The following VPS13B variants were observed in gnomAD, a reference collection of about 807,000 sequenced individuals.
VPS13B encodes vacuolar protein sorting 13 homolog B.
Under a neutral mutation model 426.4 loss-of-function variants are expected in VPS13B, and 285 were observed. The ratio of observed to expected loss-of-function variants is 0.67; its 90% confidence interval spans 0.61 to 0.74. The LOEUF (loss-of-function observed/expected upper bound fraction) is 0.74. Ranked by LOEUF, VPS13B falls within the 30% of genes least tolerant of loss-of-function variation. The probability of loss-of-function intolerance (pLI) is 0.00; values close to 1 mark genes in which losing one functional copy is unlikely to be tolerated. For missense variants in VPS13B, 4,537 were observed against 4,782.6 expected (o/e 0.95, Z 1.51); for synonymous variants, 1,676 against 1,676.4 (o/e 1.00, Z 0.01).
chr8:99,534,936 T>A (rs948920478), intron 30 of VPS13B, among the ~76,000 whole-genome samples: 1 of 152,148 alleles, frequency 6.6e-6, no homozygotes, highest in African/African-American at 2.4e-5. Flanking sequence ...TTTCAAAAAA[T>A]CTTTGACCAA....
intron 17 of VPS13B, among the ~76,000 whole-genome samples, chr8:99,201,407 G>A (rs1467365469): frequency 1.3e-5 from 2 of 152,098 alleles, no homozygotes; most frequent in African/African-American, 4.8e-5. Flanking sequence ...CATTCTAAAT[G>A]TTGGACTAAT....
At chr8:99,656,328 T>C (rs940480761) in intron 34 of VPS13B, among the ~76,000 whole-genome samples, 1 of 152,198 alleles carries the variant, frequency 6.6e-6, no homozygotes, top group African/African-American at 2.4e-5. Flanking sequence ...CCTGTTTCTT[T>C]GGCATAGGGA....
intron 54 of VPS13B, among the ~76,000 whole-genome samples, chr8:99,847,812 T>C (rs769188555): frequency 1.3e-5 from 2 of 152,248 alleles, no homozygotes; most frequent in Non-Finnish European, 2.9e-5. Flanking sequence ...GTGTACACTC[T>C]GGTGCTTCTT....
intron 23 of VPS13B, among the ~76,000 whole-genome samples, chr8:99,450,995 A>G (rs1246397841): frequency 3.9e-5 from 6 of 152,216 alleles, no homozygotes; most frequent in African/African-American, 7.2e-5. Context: ...AGCAGAAAAT[A>G]TGGTACAAAA....
chr8:99,772,076 C>A (rs1481071212), intron 40 of VPS13B, among the ~76,000 whole-genome samples: 1 of 152,210 alleles, frequency 6.6e-6, no homozygotes, highest in Non-Finnish European at 1.5e-5. Flanking sequence ...CTTTGCCATG[C>A]AGTCCTTCTT....
intron 27 of VPS13B, 135 bp from the exon 28 acceptor site, chr8:99,507,000 TGA>T (rs1821535085): frequency 1.2e-6 from 1 of 852,764 alleles, no homozygotes; most frequent in Non-Finnish European, 1.9e-6. Flanking sequence ...ATTGTTCTAT[TGA>T]TTGCATTGTC....
intron 33 of VPS13B, among the ~76,000 whole-genome samples, chr8:99,584,353 A>G (rs1382490056): frequency 6.6e-6 from 1 of 152,222 alleles, no homozygotes; most frequent in Non-Finnish European, 1.5e-5. Flanking sequence ...TCAAGAAGAC[A>G]ATAAAATTTT....
intron 13 of VPS13B, among the ~76,000 whole-genome samples, chr8:99,144,860 A>G (rs1366052930): frequency 6.6e-6 from 1 of 152,206 alleles, no homozygotes; most frequent in Admixed American, 6.5e-5. Flanking sequence ...TAGAGAAGAA[A>G]AATAAAAGGA....
At chr8:99,280,943 T>A (rs1312546241) in intron 19 of VPS13B, among the ~76,000 whole-genome samples, 1 of 152,180 alleles carries the variant, frequency 6.6e-6, no homozygotes. Flanking sequence ...TTCTATTCAA[T>A]CCTTAGTCTC....
chr8:99,437,446 G>A (rs1050453741), intron 22 of VPS13B, among the ~76,000 whole-genome samples: 3 of 151,298 alleles, frequency 2.0e-5, no homozygotes, highest in Non-Finnish European at 2.9e-5. Context: ...GGCCAGGCAC[G>A]GTGGCTCACA....
At chr8:99,325,569 G>A (rs1260529738) in intron 19 of VPS13B, among the ~76,000 whole-genome samples, 5 of 152,110 alleles carry the variant, frequency 3.3e-5, no homozygotes, top group Admixed American at 2.6e-4. Context: ...AGCAACCTTA[G>A]CAGTATAATT....
At chr8:99,388,049 T>A (rs1814224763) in intron 20 of VPS13B, among the ~76,000 whole-genome samples, 1 of 152,200 alleles carries the variant, frequency 6.6e-6, no homozygotes, top group African/African-American at 2.4e-5. Context: ...GGATATAACA[T>A]TTATTAAAAA....
chr8:99,050,130 C>T (rs184810438), intron 3 of VPS13B, among the ~76,000 whole-genome samples: 33 of 151,908 alleles, frequency 2.2e-4, no homozygotes, highest in Admixed American at 8.5e-4. Flanking sequence ...GTGTGCTGCA[C>T]CCATTAACTC....
At chr8:99,392,821 C>G (rs1488142827) in intron 21 of VPS13B, among the ~76,000 whole-genome samples, 1 of 152,028 alleles carries the variant, frequency 6.6e-6, no homozygotes, top group African/African-American at 2.4e-5. Context: ...TCCACCTGTC[C>G]ATAGCCACAA....
At chr8:99,201,448 T>G (rs1268713485) in intron 17 of VPS13B, among the ~76,000 whole-genome samples, 1 of 152,156 alleles carries the variant, frequency 6.6e-6, no homozygotes, top group Non-Finnish European at 1.5e-5. Flanking sequence ...AAATTTAACT[T>G]CAAGCATCAA....
At chr8:99,665,410 T>A (rs979873657) in intron 35 of VPS13B, among the ~76,000 whole-genome samples, 3 of 152,204 alleles carry the variant, frequency 2.0e-5, no homozygotes, top group African/African-American at 4.8e-5. Flanking sequence ...ATGTCCTGAA[T>A]GGTATTGCCT....
intron 19 of VPS13B, among the ~76,000 whole-genome samples, chr8:99,361,415 A>C (rs1432927705): frequency 6.6e-6 from 1 of 152,204 alleles, no homozygotes; most frequent in African/African-American, 2.4e-5. Flanking sequence ...CTGCTTTAGC[A>C]GGAAAGTAGA....
At chr8:99,295,123 A>G (rs1409555326) in intron 19 of VPS13B, among the ~76,000 whole-genome samples, 1 of 152,176 alleles carries the variant, frequency 6.6e-6, no homozygotes, top group African/African-American at 2.4e-5. Flanking sequence ...GAAAACAGTT[A>G]GGGAGATATA....
intron 20 of VPS13B, among the ~76,000 whole-genome samples, chr8:99,390,126 C>G (rs533122158): frequency 8.1e-5 from 12 of 147,506 alleles, no homozygotes; most frequent in Admixed American, 4.8e-4. Flanking sequence ...GAGATGGAGT[C>G]TCACTCTGTT....
Sources: gnomAD v4.1 joint callset for allele counts (sites outside exome capture counted in the v4.1 genomes callset) on GRCh38, gnomAD v4.1.1 for gene constraint, MANE v1.5 for transcripts, NCBI Gene and HGNC (gene_info 2026-07-23, HGNC 2026-07-21) for gene names.